FANCI: variants seen among roughly 807,000 people sequenced by gnomAD.
The protein encoded by FANCI is Fanconi anemia group I protein.
FANCI carries 156 observed loss-of-function variants against 176.1 expected under a neutral mutation model. That is an observed-to-expected ratio of 0.89 (90% CI 0.78 to 1.01). FANCI has a LOEUF of 1.01. FANCI is among the 50% of genes least tolerant of loss of function. FANCI has a pLI of 0.00. For synonymous variants in FANCI, 613 were observed against 541.7 expected, an observed-to-expected ratio of 1.13 and a Z score of -1.83; for missense variants, 1,678 against 1,534.1, an observed-to-expected ratio of 1.09 and a Z score of -1.57.
chr15:89,307,152 T>C (rs999323604), intron 32 of FANCI, among the ~76,000 whole-genome samples: 2 of 152,218 alleles, frequency 1.3e-5, no homozygotes, highest in African/African-American at 4.8e-5. Context: ...GCTGCTGTAG[T>C]GGAAATACTG....
chr15:89,264,251 C>G (rs749546396), intron 8 of FANCI, among the ~76,000 whole-genome samples: 13 of 152,186 alleles, frequency 8.5e-5, no homozygotes, highest in African/African-American at 1.9e-4. Flanking sequence ...CATGCATTAT[C>G]TCTTGTATTG....
At position 89,268,466 on chromosome 15, in the gene FANCI, A is replaced by G. The variant is rs2151374464; in HGVS notation, c.823A>G (p.Ile275Val). The G allele has an allele frequency of 1.9e-6, 3 of 1,614,176 alleles. No homozygotes were observed. The highest frequency in any genetic ancestry group is 1.7e-6 in the Non-Finnish European group (2 of 1,180,022). ...RHVEGTIILH[I>V]VFAIKLDYEL... ...TGTGGAAGGCACCATTATTCTACACATTGTGTTTGCCATCAAATTGGACTA... is the reference window on the plus strand; with the variant it reads ...TGTGGAAGGCACCATTATTCTACACGTTGTGTTTGCCATCAAATTGGACTA... Residue 275 changes from isoleucine (I) to valine (V), a missense_variant, in exon 10 of 38, where the codon ATT becomes GTT. Physicochemically the swap from Ile to Val is conservative, Grantham distance 29 (BLOSUM62 3). This residue lies in a region of FANCI where 469 missense variants were observed against 436.9 expected (regional missense o/e 1.07). Coordinates refer to ENST00000310775, the MANE Select transcript of FANCI (RefSeq NM_001113378.2).
At chr15:89,311,024 GAGGC>G (rs537963306) in intron 34 of FANCI, among the ~76,000 whole-genome samples, 13 of 152,268 alleles carry the variant, frequency 8.5e-5, no homozygotes, top group African/African-American at 2.6e-4. Flanking sequence ...TTGGGAGGCT[GAGGC>G]AGGCGGATCA....
At chr15:89,281,636 A>G in intron 15 of FANCI, 129 bp from the exon 16 acceptor site, 1 of 912,168 alleles carries the variant, frequency 1.1e-6, no homozygotes, top group South Asian at 1.3e-5. Flanking sequence ...TAACTGTAAT[A>G]AACATTAAAA....
intron 25 of FANCI, 81 bp from the exon 26 acceptor site, chr15:89,300,219 C>A: frequency 7.2e-7 from 1 of 1,386,192 alleles, no homozygotes; most frequent in Non-Finnish European, 1.0e-6. Flanking sequence ...TTTTTTTTGG[C>A]TTTCAAAAAT....
At chr15:89,296,014 C>T (rs991569044) in intron 24 of FANCI, among the ~76,000 whole-genome samples, 9 of 152,118 alleles carry the variant, frequency 5.9e-5, no homozygotes, top group African/African-American at 1.7e-4. Flanking sequence ...GTCACCCAGG[C>T]TAGAGTGCAG....
chr15:89,307,730 C>T, intron 34 of FANCI, 58 bp downstream of exon 34: 3 of 1,613,880 alleles, frequency 1.9e-6, no homozygotes, highest in Non-Finnish European at 2.5e-6. Context: ...CTTACATGCC[C>T]AGGGGACTAT....
chr15:89,265,060 C>G (rs995836106), intron 9 of FANCI, among the ~76,000 whole-genome samples: 1 of 152,156 alleles, frequency 6.6e-6, no homozygotes, highest in Admixed American at 6.5e-5. Context: ...TCAGGGAAAA[C>G]CTCTCTCAGA....
In FANCI at chr15:89,261,789, A is replaced by C. The variant is rs201645787; in HGVS notation, c.446-32A>C. ...GGCTTTTTCTCTATGCACATAATCAAATTCATTGCTCAGTATATTTTGCAT... is the reference window on the plus strand; with the variant it reads ...GGCTTTTTCTCTATGCACATAATCACATTCATTGCTCAGTATATTTTGCAT... On this transcript the variant is annotated intron_variant, in intron 5 of 37. Coordinates refer to ENST00000310775, the MANE Select transcript of FANCI (RefSeq NM_001113378.2). 222 of 1,614,134 alleles carry C rather than the reference A, an allele frequency of 1.4e-4. 1 individual carries two copies. The South Asian group carries it at 2.3e-3, about 17-fold the overall frequency.
intron 2 of FANCI, among the ~76,000 whole-genome samples, chr15:89,252,629 A>T (rs1313999390): frequency 6.6e-6 from 1 of 152,106 alleles, no homozygotes; most frequent in East Asian, 1.9e-4. Context: ...AGTCTCAGCT[A>T]CTCAGGAGGC....
chr15:89,256,295 T>G (rs2052490154), intron 2 of FANCI, among the ~76,000 whole-genome samples: 2 of 152,212 alleles, frequency 1.3e-5, no homozygotes, highest in Admixed American at 6.5e-5. Context: ...TTCTAGACAT[T>G]GTCTAGTGTC....
chr15:89,277,032 A>G, intron 13 of FANCI, 141 bp downstream of exon 13: 1 of 833,736 alleles, frequency 1.2e-6, no homozygotes, highest in Admixed American at 1.9e-5. Flanking sequence ...AGATTAGGAT[A>G]ATATTGAAAC....
At chr15:89,310,357 G>A (rs2054906156) in intron 34 of FANCI, among the ~76,000 whole-genome samples, 1 of 152,160 alleles carries the variant, frequency 6.6e-6, no homozygotes, top group South Asian at 2.1e-4. Context: ...AGTCATACCT[G>A]GTACTTGTTG....
At chr15:89,273,309 TTAAA>T (rs1250023905) in intron 10 of FANCI, 64 bp from the exon 11 acceptor site, 51 of 752,364 alleles carry the variant, frequency 6.8e-5, no homozygotes, top group Non-Finnish European at 8.5e-5. Context: ...CTTTTTTTTT[TTAAA>T]AAAAAAAAAA....
intron 10 of FANCI, 78 bp from the exon 11 acceptor site, chr15:89,273,299 C>CTTT: frequency 1.6e-6 from 1 of 643,758 alleles, no homozygotes; most frequent in South Asian, 1.8e-5. Context: ...GAGACCCAAT[C>CTTT]TTTTTTTTTT....
chr15:89,288,530 C>CT (rs962556649), intron 18 of FANCI, among the ~76,000 whole-genome samples: 14 of 147,278 alleles, frequency 9.5e-5, no homozygotes, highest in South Asian at 2.2e-4. Context: ...TTGCCATTTG[C>CT]TTTTTTTTTA....
At chr15:89,294,035 C>G (rs759965797) in intron 23 of FANCI, 38 bp downstream of exon 23, 4 of 1,610,902 alleles carry the variant, frequency 2.5e-6, no homozygotes, top group African/African-American at 1.3e-5. Flanking sequence ...CAGCCACTCC[C>G]TGAGGATCGT....
chr15:89,308,157 G>C (rs1212739130), intron 34 of FANCI: 1 of 1,048,354 alleles, frequency 9.5e-7, no homozygotes, highest in Non-Finnish European at 1.2e-6. Context: ...TTTACTGTTT[G>C]CTTAAACCAG....
Position 89,268,767 on chromosome 15 carries a change from T to G in FANCI, c.882+242T>G, listed in dbSNP as rs143832430. On this transcript the variant is annotated intron_variant, in intron 10 of 37. Coordinates refer to ENST00000310775, the MANE Select transcript of FANCI (RefSeq NM_001113378.2). ...CTTAAGCAAGCCAGAAAGTTCTATT[T>G]AAAAAAACCCTCAAAAGTTCTAACG... is the stretch of plus-strand genomic sequence containing the variant. 2.6e-3 allele frequency: 1,217 copies of G among 470,646 alleles called. 2 individuals are homozygous for G. The highest frequency in any genetic ancestry group is 4.8e-3 in the Admixed American group (137 of 28,676). The allele number at this position is 470,646 out of a possible 1,614,324, so 29.2% of individuals were successfully genotyped here. A position where few individuals can be genotyped will look rare whatever the true frequency, so the allele number is the denominator to read the frequency against.
Sources: allele counts gnomAD v4.1 joint callset (sites outside exome capture counted in the v4.1 genomes callset), GRCh38; gene constraint gnomAD v4.1.1; regional missense constraint gnomAD v4.1.1; transcripts MANE v1.5; gene names NCBI Gene and HGNC (gene_info 2026-07-23, HGNC 2026-07-21).